The following GRIN2B variants were observed in gnomAD, a reference collection of about 807,000 sequenced individuals.
GRIN2B encodes glutamate receptor ionotropic, NMDA 2B.
In GRIN2B, 5 loss-of-function variants were observed where a neutral mutation model predicts 114.5. That is an observed-to-expected ratio of 0.04 (90% CI 0.02 to 0.09). The LOEUF (loss-of-function observed/expected upper bound fraction) is 0.09. Ranked by LOEUF, GRIN2B falls within the 10% of genes least tolerant of loss-of-function variation. GRIN2B has a pLI of 1.00. For missense variants in GRIN2B, 1,108 were observed against 1,943.5 expected (o/e 0.57, Z 8.08); for synonymous variants, 787 against 745.1 (o/e 1.06, Z -0.92).
chr12:13,573,427 G>T (rs1239721107), intron 10 of GRIN2B, among the ~76,000 whole-genome samples: 1 of 149,240 alleles, frequency 6.7e-6, no homozygotes, highest in East Asian at 1.9e-4. Flanking sequence ...CTCCAGCCTG[G>T]GCTACACAGA....
In GRIN2B at chr12:13,934,317, A is replaced by G. The variant is rs186660868; in HGVS notation, c.-19+45611T>C. Among the ~76,000 whole-genome samples the G allele has an allele frequency of 1.3e-3, 199 of 152,340 alleles. 4 individuals carry two copies. Among genetic ancestry groups the G allele is most frequent in the Non-Finnish European group, 2.8e-4 (19 of 68,034 alleles). On this transcript the variant is annotated intron_variant, in intron 2 of 13. Transcript: ENST00000609686. ...ACTAAATTTCCAGAAGTTGCATGCC[A>G]TTGACTCTTGTCCTTAGGAAACTAT...
At chr12:13,854,874 C>T (rs1299941836) in intron 3 of GRIN2B, among the ~76,000 whole-genome samples, 2 of 151,932 alleles carry the variant, frequency 1.3e-5, no homozygotes, top group Non-Finnish European at 2.9e-5. Flanking sequence ...ATTTTCAAGG[C>T]CTTTTCTAGG....
chr12:13,855,218 A>G (rs1354417976), intron 3 of GRIN2B, among the ~76,000 whole-genome samples: 2 of 152,072 alleles, frequency 1.3e-5, no homozygotes, highest in Admixed American at 6.6e-5. Context: ...ACCCTGTTGA[A>G]AGAAAGAAAA....
At chr12:13,668,466 A>ACCT (rs1401570300) in intron 5 of GRIN2B, among the ~76,000 whole-genome samples, 1 of 151,894 alleles carries the variant, frequency 6.6e-6, no homozygotes, top group Non-Finnish European at 1.5e-5. Flanking sequence ...GCACACCTCT[A>ACCT]CCTCCTCCTC....
chr12:13,681,866 T>G (rs1169134788), intron 4 of GRIN2B, among the ~76,000 whole-genome samples: 1 of 152,182 alleles, frequency 6.6e-6, no homozygotes, highest in South Asian at 2.1e-4. Context: ...GCTGCTGTTA[T>G]TACTCTCTAC....
chr12:13,763,730 C>T (rs1178476300), intron 3 of GRIN2B, among the ~76,000 whole-genome samples: 2 of 152,226 alleles, frequency 1.3e-5, no homozygotes, highest in Non-Finnish European at 2.9e-5. Context: ...CACCCTGTGG[C>T]AGGCAACCCC....
chr12:13,933,659 G>T (rs80156263), intron 2 of GRIN2B, among the ~76,000 whole-genome samples: 5,791 of 152,272 alleles, frequency 0.038, 154 homozygotes, highest in Middle Eastern at 0.1. Context: ...TGAGCATGTG[G>T]CCCTGCAGAG....
At chr12:13,783,617 G>T (rs1319303199) in intron 3 of GRIN2B, among the ~76,000 whole-genome samples, 1 of 152,182 alleles carries the variant, frequency 6.6e-6, no homozygotes, top group Non-Finnish European at 1.5e-5. Flanking sequence ...TGGACAAAGA[G>T]AGCTGACTGA....
intron 5 of GRIN2B, among the ~76,000 whole-genome samples, chr12:13,618,420 G>C (rs1016602438): frequency 2.0e-5 from 3 of 152,090 alleles, no homozygotes; most frequent in African/African-American, 4.8e-5. Flanking sequence ...TCCCTCAACA[G>C]TCCCTTTTGA....
chr12:13,567,960 G>A (rs1948663169), intron 12 of GRIN2B, among the ~76,000 whole-genome samples: 1 of 151,928 alleles, frequency 6.6e-6, no homozygotes, highest in African/African-American at 2.4e-5. Flanking sequence ...TTAAAATTGT[G>A]CAAAGCAGAT....
At chr12:13,973,144 T>C (rs1195387747) in intron 2 of GRIN2B, among the ~76,000 whole-genome samples, 1 of 152,336 alleles carries the variant, frequency 6.6e-6, no homozygotes, top group East Asian at 1.9e-4. Flanking sequence ...CTCTTCTCCC[T>C]TCCTGTAACC....
At chr12:13,692,760 C>CTTTTTTTTTTTTT in intron 4 of GRIN2B, among the ~76,000 whole-genome samples, 12 of 52,108 alleles carry the variant, frequency 2.3e-4, no homozygotes, top group Non-Finnish European at 3.3e-4. Flanking sequence ...TCTTTCTTTT[C>CTTTTTTTTTTTTT]TTTTTTTTTT....
At chr12:13,565,802 A>G (rs1267427795) in intron 13 of GRIN2B, among the ~76,000 whole-genome samples, 2 of 152,214 alleles carry the variant, frequency 1.3e-5, no homozygotes, top group Admixed American at 6.5e-5. Context: ...AGGTTTAGAC[A>G]AGGTAAGTCT....
rs1948236176 is a variant in GRIN2B, at chr12:13,538,308, T to G, written c.*24475A>C. On this transcript the variant is annotated 3_prime_UTR_variant, in exon 14 of 14. Transcript: ENST00000609686. ...AAGGGCATGTAGGACACAGGTGCTC[T>G]GAGCTAATCCATTTAAGAGATTCCA... 6.6e-6 allele frequency: 1 copy of G among 152,274 alleles called. No homozygotes were observed. The highest frequency in any genetic ancestry group is 2.1e-4 in the South Asian group (1 of 4,834). The allele number at this position is 152,274 out of a possible 1,614,324, so 9.4% of individuals were successfully genotyped here. A position where few individuals can be genotyped will look rare whatever the true frequency, so the allele number is the denominator to read the frequency against.
chr12:13,949,852 A>T (rs1867446950), intron 2 of GRIN2B, among the ~76,000 whole-genome samples: 1 of 152,184 alleles, frequency 6.6e-6, no homozygotes, highest in South Asian at 2.1e-4. Flanking sequence ...AGAAGCCTGC[A>T]AGAACCAAAC....
At chr12:13,829,293 G>A (rs959749732) in intron 3 of GRIN2B, among the ~76,000 whole-genome samples, 3 of 152,192 alleles carry the variant, frequency 2.0e-5, no homozygotes, top group Admixed American at 6.5e-5. Flanking sequence ...AGCAGAAGAT[G>A]TAACTGCCAT....
chr12:13,570,105 C>A, intron 11 of GRIN2B, 88 bp from the exon 12 acceptor site: 1 of 902,284 alleles, frequency 1.1e-6, no homozygotes, highest in Admixed American at 1.9e-5. Context: ...AGTAGGGTTC[C>A]AGAAAACTAT....
chr12:13,673,309 C>G (rs1363924993), intron 5 of GRIN2B, among the ~76,000 whole-genome samples: 7 of 152,094 alleles, frequency 4.6e-5, no homozygotes, highest in South Asian at 2.1e-4. Context: ...CAAGAAGAAG[C>G]CCAGGGTAGC....
chr12:13,576,351 T>C (rs566709277), intron 10 of GRIN2B, among the ~76,000 whole-genome samples: 197 of 127,670 alleles, frequency 1.5e-3, no homozygotes, highest in African/African-American at 5.9e-3. Flanking sequence ...TGAGTGGCAA[T>C]TTGGGAACGA....
Sources: gnomAD v4.1 joint callset for allele counts (sites outside exome capture counted in the v4.1 genomes callset) on GRCh38, gnomAD v4.1.1 for gene constraint, MANE v1.5 for transcripts, NCBI Gene and HGNC (gene_info 2026-07-23, HGNC 2026-07-21) for gene names.